Variants in MGAM2 observed in about 807,000 individuals in gnomAD.
The protein encoded by MGAM2 is maltase-glucoamylase 2 (putative).
A neutral mutation model predicts 96.1 loss-of-function variants in MGAM2; 98 were observed. The ratio of observed to expected loss-of-function variants is 1.02; its 90% confidence interval spans 0.87 to 1.21. The LOEUF is 1.21. Ranked by LOEUF, MGAM2 falls within the 50% of genes most tolerant of loss-of-function variation. The probability of loss-of-function intolerance (pLI) is 0.00; values close to 1 mark genes in which losing one functional copy is unlikely to be tolerated. For synonymous variants in MGAM2, 749 were observed against 414.8 expected, an observed-to-expected ratio of 1.81 and a Z score of -9.79; for missense variants, 2,055 against 1,182.4, an observed-to-expected ratio of 1.74 and a Z score of -10.82.
chr7:142,131,035 T>A lies in MGAM2; in HGVS notation c.274T>A (p.Tyr92Asn), dbSNP rs199940171. Residue 92 changes from tyrosine to asparagine, a missense_variant, in exon 4 of 48, where the codon TAT becomes AAT. Tyr to Asn is a moderately radical substitution (Grantham distance 143). Transcript: ENST00000477922. Reference protein sequence around the residue: ...PRCFFPWNWGYEASNGHTNTS... With the variant: ...PRCFFPWNWGNEASNGHTNTS... Reference sequence around the variant, plus strand: ...GTGCTTCTTCCCCTGGAACTGGGGCTATGAAGCCAGCAATGGCCATACAAA... The same window carrying A: ...GTGCTTCTTCCCCTGGAACTGGGGCAATGAAGCCAGCAATGGCCATACAAA... 12 of 702,682 alleles carry A rather than the reference T, an allele frequency of 1.7e-5. No homozygotes were observed. Among genetic ancestry groups the A allele is most frequent in the Non-Finnish European group, 3.1e-5 (12 of 385,008 alleles). 43.5% of individuals were successfully genotyped at this position (702,682 alleles called of 1,614,324 possible). A position where few individuals can be genotyped will look rare whatever the true frequency, so the allele number is the denominator to read the frequency against.
intron 6 of MGAM2, 148 bp downstream of exon 6, chr7:142,132,233 A>G (rs1273239439): frequency 1.3e-5 from 6 of 471,640 alleles, no homozygotes; most frequent in Non-Finnish European, 1.9e-5. Flanking sequence ...CTGTAAAATA[A>G]CAGTGTTAGC....
chr7:142,141,063 A>G lies in MGAM2; in HGVS notation c.1261A>G (p.Asn421Asp). 1.4e-6 allele frequency: 1 copy of G among 702,014 alleles called. No individual in the cohort carries two copies. The highest frequency in any genetic ancestry group is 1.5e-5 in the South Asian group (1 of 67,090). 43.5% of individuals were successfully genotyped at this position (702,014 alleles called of 1,614,324 possible). ...AAACTCTAACTACGAGCCCTATAATAATGGAAGCCTAAAGAGAGTGTGGAT... is the reference window on the plus strand; with the variant it reads ...AAACTCTAACTACGAGCCCTATAATGATGGAAGCCTAAAGAGAGTGTGGAT... ...SKNSNYEPYN[N>D]GSLKRVWILG... The change falls in exon 12 of 48, where the codon AAT becomes GAT. Residue 421 changes from asparagine to aspartate, a missense_variant. By Grantham distance (23) the Asn-to-Asp change is conservative. Transcript: ENST00000477922.
At chr7:142,168,233 C>T (rs541483101) in intron 26 of MGAM2, among the ~76,000 whole-genome samples, 2 of 152,036 alleles carry the variant, frequency 1.3e-5, no homozygotes, top group South Asian at 4.2e-4. Context: ...ATTCAGTAGA[C>T]CTGGGCTGGG....
intron 45 of MGAM2, among the ~76,000 whole-genome samples, 170 bp downstream of exon 45, chr7:142,200,138 G>T (rs574791504): frequency 6.6e-6 from 1 of 152,238 alleles, no homozygotes; most frequent in East Asian, 1.9e-4. Context: ...TTATACTATA[G>T]TTAGTATAGA....
At position 142,162,578 on chromosome 7, in the gene MGAM2, C is replaced by T. The variant is rs145361831; in HGVS notation, c.2484+574C>T. Among the ~76,000 whole-genome samples, 535 of 151,746 alleles carry T rather than the reference C, an allele frequency of 3.5e-3. 6 individuals are homozygous for T. The highest frequency in any genetic ancestry group is 0.012 in the African/African-American group (517 of 41,386). ...ATATGGGCAGAACTTTCTTTTGAGG[C>T]GGTCTCTCTCTCTTTCTTTTTTCTC... On this transcript the variant is annotated intron_variant, in intron 23 of 47. Coordinates refer to ENST00000477922, the MANE Select transcript of MGAM2 (RefSeq NM_001293626.2).
chr7:142,171,753 G>A (rs1162790323), intron 28 of MGAM2, among the ~76,000 whole-genome samples: 2 of 148,066 alleles, frequency 1.4e-5, no homozygotes, highest in Non-Finnish European at 3.0e-5. Flanking sequence ...TACTTGTCAG[G>A]CACATTGCTA....
intron 3 of MGAM2, among the ~76,000 whole-genome samples, chr7:142,123,141 A>G (rs1213960134): frequency 6.6e-6 from 1 of 151,340 alleles, no homozygotes. Context: ...TTTTTATGAG[A>G]TTTAGCCTAT....
chr7:142,148,381 C>A lies in MGAM2; in HGVS notation c.1634+808C>A, dbSNP rs542051066. ...CCACCACTACCATGACCACCACCACCATCCCTACCACCACCATCACCATCA... is the reference window on the plus strand; with the variant it reads ...CCACCACTACCATGACCACCACCACAATCCCTACCACCACCATCACCATCA... On this transcript the variant is annotated intron_variant, in intron 15 of 47. Coordinates refer to ENST00000477922, the MANE Select transcript of MGAM2 (RefSeq NM_001293626.2). This position sits in a 1 kb window ranked among gnomAD's most constrained non-coding sequence, Gnocchi z 4.2. Among the ~76,000 whole-genome samples, 76 of 152,072 alleles carry A rather than the reference C, an allele frequency of 5.0e-4. 1 individual carries two copies. In the South Asian group the frequency reaches 0.015, roughly 31 times the overall value.
chr7:142,154,636 A>T (rs61281471), intron 16 of MGAM2, 93 bp from the exon 17 acceptor site: 193,143 of 659,136 alleles, frequency 0.29, 30,187 homozygotes, highest in Non-Finnish European at 0.32. Context: ...ATGATGTGAC[A>T]AAGAGGTTCT....
At position 142,221,316 on chromosome 7, in the gene MGAM2, G is replaced by A. The variant is rs1266234207; in HGVS notation, c.6805G>A (p.Val2269Met). 1.5e-6 allele frequency: 1 copy of A among 650,980 alleles called. No homozygotes were observed. The highest frequency in any genetic ancestry group is 1.8e-5 in the African/African-American group (1 of 55,730). 40.3% of individuals were successfully genotyped at this position (650,980 alleles called of 1,614,324 possible). Residue 2269 changes from valine to methionine, a missense_variant, in exon 48 of 48, where the codon GTG becomes ATG. Transcript: ENST00000477922. ...TTSFGNSVPF[V>M]TTPSPSTDAT... The stretch of plus-strand genomic sequence containing the variant: ...TTCTTTTGGTAATAGTGTTCCTTTT[G>A]TGACTACTCCTTCTCCAAGTACTGA...
rs1043147491 is a variant in MGAM2 at position 142,138,675 on chromosome 7, G to A, written c.1086+8G>A. On this transcript the variant is annotated splice_region_variant and intron_variant, in intron 10 of 47. Transcript: ENST00000477922. Reference sequence around the variant, plus strand: ...TTAGCTGAGATACCATATGTAAGTCGAAACTTCTTTTACCATGCAGTTGAC... The same window carrying A: ...TTAGCTGAGATACCATATGTAAGTCAAAACTTCTTTTACCATGCAGTTGAC... 4.0e-5 allele frequency: 28 copies of A among 699,758 alleles called. No homozygotes were observed. Among genetic ancestry groups the A allele is most frequent in the South Asian group, 9.0e-5 (6 of 66,718 alleles). The allele number at this position is 699,758 out of a possible 1,614,324, so 43.3% of individuals were successfully genotyped here.
intron 37 of MGAM2, among the ~76,000 whole-genome samples, chr7:142,192,621 C>A (rs1337368462): frequency 6.6e-6 from 1 of 152,146 alleles, no homozygotes; most frequent in African/African-American, 2.4e-5. Flanking sequence ...GCAAAGAAAG[C>A]AGCAATAAGA....
intron 15 of MGAM2, 111 bp downstream of exon 15, chr7:142,147,684 A>G (rs1795430142): frequency 3.5e-6 from 2 of 566,618 alleles, no homozygotes; most frequent in South Asian, 4.7e-5. Context: ...TTTTGCATTT[A>G]TAGAAATAGA....
intron 37 of MGAM2, among the ~76,000 whole-genome samples, chr7:142,191,257 C>T (rs1796859792): frequency 6.6e-6 from 1 of 152,020 alleles, no homozygotes; most frequent in African/African-American, 2.4e-5. Flanking sequence ...ATAACCATGC[C>T]TTTTGGAGCA....
Position 142,131,954 on chromosome 7 carries a change from C to T in MGAM2, c.444C>T (p.Arg148=), listed in dbSNP as rs148710455. 171 of 702,644 alleles carry T rather than the reference C, an allele frequency of 2.4e-4. No homozygotes were observed. The African/African-American group carries it at 2.7e-3, about 11-fold the overall frequency. 43.5% of individuals were successfully genotyped at this position (702,644 alleles called of 1,614,324 possible). A position where few individuals can be genotyped will look rare whatever the true frequency, so the allele number is the denominator to read the frequency against. Residue 148 remains arginine, a synonymous_variant, in exon 6 of 48, where the codon CGC becomes CGT. Coordinates refer to ENST00000477922, the MANE Select transcript of MGAM2 (RefSeq NM_001293626.2). ...HFKITDFNNI[R]YEVSHENINL... ...AGATCACTGACTTTAATAACATACG[C>T]TATGAAGTTTCCCATGAAAATATTA...
rs1291202738 is a variant in MGAM2, at chr7:142,207,623, G to A, written c.5138-950G>A. On this transcript the variant is annotated intron_variant, in intron 45 of 47. Transcript: ENST00000477922. ...TTTTAGTATTTTTAGTAGGGACAGGGTTTCACCATGTTAGCCAGGACGGTC... is the reference window on the plus strand; with the variant it reads ...TTTTAGTATTTTTAGTAGGGACAGGATTTCACCATGTTAGCCAGGACGGTC... Among the ~76,000 whole-genome samples the A allele has an allele frequency of 2.0e-5, 3 of 151,834 alleles. No individual in the cohort carries two copies. The East Asian group carries it at 5.8e-4, about 29-fold the overall frequency.
At chr7:142,201,742 A>G (rs2129102086) in intron 45 of MGAM2, among the ~76,000 whole-genome samples, 1 of 152,376 alleles carries the variant, frequency 6.6e-6, no homozygotes, top group East Asian at 1.9e-4. Flanking sequence ...AATGATTTAC[A>G]TAATGTTTAC....
intron 31 of MGAM2, among the ~76,000 whole-genome samples, chr7:142,175,013 C>G (rs1335189483): frequency 6.6e-6 from 1 of 152,154 alleles, no homozygotes; most frequent in Admixed American, 6.5e-5. Flanking sequence ...GCCACCGTGC[C>G]TAGCCCGTTT....
At chr7:142,215,706 C>T (rs945831047) in intron 46 of MGAM2, among the ~76,000 whole-genome samples, 13 of 147,208 alleles carry the variant, frequency 8.8e-5, no homozygotes, top group African/African-American at 2.8e-4. Flanking sequence ...TGTGGTGAGC[C>T]GAGATCGCGC....
Sources: gnomAD v4.1 joint callset for allele counts (sites outside exome capture counted in the v4.1 genomes callset) on GRCh38, gnomAD v4.1.1 for gene constraint, Gnocchi (gnomAD v3.1) non-coding constraint, MANE v1.5 for transcripts, NCBI Gene and HGNC (gene_info 2026-07-23, HGNC 2026-07-21) for gene names.